The following NLGN1 variants were observed in gnomAD, a reference collection of about 807,000 sequenced individuals.
NLGN1 encodes the protein neuroligin-1.
A neutral mutation model predicts 65.5 loss-of-function variants in NLGN1; 12 were observed. That is an observed-to-expected ratio of 0.18 (90% CI 0.12 to 0.30). The LOEUF (loss-of-function observed/expected upper bound fraction) is 0.30. Among genes scored for constraint, NLGN1 ranks in the 10% least tolerant of loss-of-function variants. The pLI, the probability that NLGN1 is intolerant of heterozygous loss-of-function variation, is 1.00. For missense variants in NLGN1, 750 were observed against 1,007.1 expected (o/e 0.74, Z 3.46); for synonymous variants, 350 against 359.5 (o/e 0.97, Z 0.30).
intron 3 of NLGN1, among the ~76,000 whole-genome samples, chr3:173,797,199 ACT>A (rs1256200729): frequency 9.9e-5 from 15 of 152,220 alleles, no homozygotes; most frequent in African/African-American, 3.1e-4. Context: ...GCAGCCCTGA[ACT>A]CTGTAGATAT....
intron 3 of NLGN1, among the ~76,000 whole-genome samples, chr3:173,775,398 T>G (rs908504237): frequency 7.9e-5 from 12 of 152,128 alleles, no homozygotes. Flanking sequence ...GTCTTTGGAG[T>G]TGAACAGACC....
chr3:173,490,094 A>C (rs558204472), intron 2 of NLGN1, among the ~76,000 whole-genome samples: 116 of 152,092 alleles, frequency 7.6e-4, no homozygotes, highest in Admixed American at 2.6e-3. Flanking sequence ...GTTTAATTTG[A>C]TCCCACTTGT....
At chr3:174,197,751 C>CGTGTGTGT (rs71162378) in intron 4 of NLGN1, among the ~76,000 whole-genome samples, 2,691 of 141,588 alleles carry the variant, frequency 0.019, 34 homozygotes, top group African/African-American at 0.024. Context: ...CCCATTATCT[C>CGTGTGTGT]GTGTGTGTGT....
At chr3:173,670,346 C>A (rs1316607344) in intron 3 of NLGN1, among the ~76,000 whole-genome samples, 3 of 152,118 alleles carry the variant, frequency 2.0e-5, no homozygotes, top group African/African-American at 7.2e-5. Flanking sequence ...CACCTTTTAA[C>A]TTATAGTAAG....
chr3:174,260,058 C>T (rs987619262), intron 4 of NLGN1, among the ~76,000 whole-genome samples: 1 of 152,008 alleles, frequency 6.6e-6, no homozygotes, highest in African/African-American at 2.4e-5. Context: ...TGTATATGTG[C>T]CACATTTTCT....
intron 3 of NLGN1, among the ~76,000 whole-genome samples, chr3:173,650,496 A>G (rs927509956): frequency 6.6e-6 from 1 of 152,166 alleles, no homozygotes; most frequent in African/African-American, 2.4e-5. Context: ...ACTCCCGCCT[A>G]TGTATGTATT....
At chr3:174,035,285 G>A (rs1291003550) in intron 4 of NLGN1, among the ~76,000 whole-genome samples, 1 of 152,082 alleles carries the variant, frequency 6.6e-6, no homozygotes, top group Non-Finnish European at 1.5e-5. Flanking sequence ...GCATTTGAAA[G>A]GTGCAAACAG....
At chr3:174,084,280 T>C (rs1742836180) in intron 4 of NLGN1, among the ~76,000 whole-genome samples, 2 of 152,274 alleles carry the variant, frequency 1.3e-5, no homozygotes, top group South Asian at 2.1e-4. Context: ...ATTTAAAAAA[T>C]AATCTACAGG....
chr3:173,438,567 C>T (rs1200538978), intron 2 of NLGN1, among the ~76,000 whole-genome samples: 2 of 151,884 alleles, frequency 1.3e-5, no homozygotes, highest in Admixed American at 1.3e-4. Context: ...ATATTGATAC[C>T]TGTTATAATT....
chr3:173,876,301 G>A (rs1010273445), intron 4 of NLGN1, among the ~76,000 whole-genome samples: 4 of 152,000 alleles, frequency 2.6e-5, no homozygotes, highest in African/African-American at 9.7e-5. Context: ...CTTAACCACC[G>A]AATATTTATA....
chr3:174,148,971 C>A (rs1333560812), intron 4 of NLGN1, among the ~76,000 whole-genome samples: 1 of 152,068 alleles, frequency 6.6e-6, no homozygotes, highest in African/African-American at 2.4e-5. Context: ...ACATTTTTTT[C>A]TTACATTATT....
At chr3:173,624,086 GT>G (rs1754447067) in intron 3 of NLGN1, among the ~76,000 whole-genome samples, 1 of 152,090 alleles carries the variant, frequency 6.6e-6, no homozygotes, top group South Asian at 2.1e-4. Context: ...TGTTGATAGA[GT>G]TCTTGACCCA....
exon 7 of NLGN1, chr3:174,286,618 A>G (rs547134216): frequency 2.6e-5 from 4 of 151,730 alleles, no homozygotes; most frequent in Non-Finnish European, 4.4e-5. Context: ...GTTTATTATC[A>G]TGAATAAATA....
chr3:173,558,103 T>C (rs1502471), intron 2 of NLGN1, among the ~76,000 whole-genome samples: 84,675 of 150,432 alleles, frequency 0.56, 23,603 homozygotes, highest in East Asian at 0.74. Flanking sequence ...TGATAGAATA[T>C]CAGATGTTAT....
intron 4 of NLGN1, among the ~76,000 whole-genome samples, chr3:173,953,029 T>A (rs1480537731): frequency 6.6e-6 from 1 of 152,198 alleles, no homozygotes; most frequent in Non-Finnish European, 1.5e-5. Flanking sequence ...TCCACCCACC[T>A]TGGCCTCCCA....
intron 2 of NLGN1, among the ~76,000 whole-genome samples, chr3:173,597,321 C>T (rs997630784): frequency 6.6e-6 from 1 of 152,112 alleles, no homozygotes; most frequent in African/African-American, 2.4e-5. Context: ...TTTTTCTCAC[C>T]TCAAATAAGA....
chr3:173,754,229 G>T (rs1776763625), intron 3 of NLGN1, among the ~76,000 whole-genome samples: 1 of 151,618 alleles, frequency 6.6e-6, no homozygotes, highest in Admixed American at 6.6e-5. Flanking sequence ...GTAGTTTTTT[G>T]TAGAGATGGG....
At chr3:173,895,275 C>G (rs910307581) in intron 4 of NLGN1, among the ~76,000 whole-genome samples, 1 of 152,010 alleles carries the variant, frequency 6.6e-6, no homozygotes, top group African/African-American at 2.4e-5. Context: ...TGTAAAGTCC[C>G]TTTTTCTATG....
chr3:173,658,688 C>A lies in NLGN1; in HGVS notation c.493+53597C>A, dbSNP rs1760458669. On this transcript the variant is annotated intron_variant, in intron 3 of 6. Transcript: ENST00000457714. ...AAAGCTTGCTGCTTCTAAACTAAGA[C>A]TTCCTTGGGATTACCCTTGCTAGTC... is the stretch of plus-strand genomic sequence containing the variant. 2.0e-5 allele frequency among the ~76,000 whole-genome samples: 3 copies of A among 151,978 alleles called. No homozygotes were observed. In the South Asian group the frequency reaches 6.2e-4, roughly 31 times the overall value.
Sources: allele counts gnomAD v4.1 joint callset (sites outside exome capture counted in the v4.1 genomes callset), GRCh38; gene constraint gnomAD v4.1.1; transcripts MANE v1.5; gene names NCBI Gene and HGNC (gene_info 2026-07-23, HGNC 2026-07-21).